Variants in FLI1 observed in about 807,000 individuals in gnomAD.
FLI1 encodes Friend leukemia integration 1 transcription factor.
FLI1 carries 13 observed loss-of-function variants against 53.1 expected under a neutral mutation model. The ratio of observed to expected loss-of-function variants is 0.24; its 90% CI spans 0.16 to 0.39. The LOEUF (loss-of-function observed/expected upper bound fraction) is 0.39, where lower values mean the gene tolerates loss of function less well. Among genes scored for constraint, FLI1 ranks in the 10% least tolerant of loss-of-function variants. The pLI is 1.00. For missense variants in FLI1, 424 were observed against 600.5 expected, an observed-to-expected ratio of 0.71 and a Z score of 3.07; for synonymous variants, 244 against 236.7, an observed-to-expected ratio of 1.03 and a Z score of -0.28.
In FLI1 at chr11:128,723,912, G is replaced by T. The variant is rs190725021; in HGVS notation, c.18+29636G>T. Among the ~76,000 whole-genome samples, 564 of 150,756 alleles carry T rather than the reference G, an allele frequency of 3.7e-3. 4 individuals are homozygous for T. The highest frequency in any genetic ancestry group is 0.013 in the African/African-American group (540 of 41,114). The stretch of plus-strand genomic sequence containing the variant: ...ACAGAGTCAGGAACAGATTTATAGA[G>T]GAGGAGGAACAATGGAGTTGATTTT... On this transcript the variant is annotated intron_variant, in intron 1 of 8. Transcript: ENST00000527786.
intron 5 of FLI1, among the ~76,000 whole-genome samples, chr11:128,789,462 TA>T (rs1942199932): frequency 6.6e-6 from 1 of 152,184 alleles, no homozygotes; most frequent in African/African-American, 2.4e-5. Context: ...TCATGATTGT[TA>T]AAGCAGGGTG....
chr11:128,685,992 C>T (rs115254862), upstream of FLI1: 1,265 of 202,724 alleles, frequency 6.2e-3, 9 homozygotes, highest in African/African-American at 0.028. Flanking sequence ...GAGGACCTGA[C>T]AGTCATTGTA....
chr11:128,701,946 A>G (rs1938352455), intron 1 of FLI1, among the ~76,000 whole-genome samples: 1 of 152,214 alleles, frequency 6.6e-6, no homozygotes, highest in South Asian at 2.1e-4. Context: ...CATTGATGTT[A>G]TGGGAAAGGA....
intron 2 of FLI1, among the ~76,000 whole-genome samples, chr11:128,765,085 G>C (rs913931820): frequency 1.3e-5 from 2 of 152,068 alleles, no homozygotes; most frequent in African/African-American, 4.8e-5. Context: ...AGCGGAACTG[G>C]GAGAACTTCT....
At chr11:128,750,034 C>T (rs1178929531) in intron 1 of FLI1, among the ~76,000 whole-genome samples, 1 of 152,236 alleles carries the variant, frequency 6.6e-6, no homozygotes, top group Admixed American at 6.5e-5. Context: ...GTTCGCATTT[C>T]ATATTCTCTC....
chr11:128,748,112 G>A, intron 1 of FLI1: 1 of 219,950 alleles, frequency 4.5e-6, no homozygotes, highest in Non-Finnish European at 7.7e-6. Context: ...TTCTGTTACA[G>A]GGTACAGTCC....
intron 1 of FLI1, among the ~76,000 whole-genome samples, chr11:128,723,102 GA>G (rs1939322556): frequency 6.6e-6 from 1 of 152,138 alleles, no homozygotes; most frequent in Non-Finnish European, 1.5e-5. Context: ...ATCCCGCTCT[GA>G]AGGCTCCACC....
intron 1 of FLI1, among the ~76,000 whole-genome samples, chr11:128,757,064 C>CTTTCTTTCTTTCTTT (rs1555116929): frequency 2.8e-5 from 4 of 141,792 alleles, no homozygotes; most frequent in African/African-American, 1.1e-4. Context: ...TTCTTTCTTT[C>CTTTCTTTCTTTCTTT]TTTCTTTCTT....
At chr11:128,700,748 C>A (rs1938293433) in intron 1 of FLI1, among the ~76,000 whole-genome samples, 1 of 152,134 alleles carries the variant, frequency 6.6e-6, no homozygotes, top group Admixed American at 6.5e-5. Context: ...GTGGCACTCA[C>A]CTGTAGTCCC....
intron 1 of FLI1, among the ~76,000 whole-genome samples, chr11:128,745,689 C>G (rs573466507): frequency 1.3e-5 from 2 of 152,228 alleles, no homozygotes; most frequent in African/African-American, 4.8e-5. Context: ...ATCTGTGCGT[C>G]GAGTTGAAGC....
Position 128,810,386 on chromosome 11 carries a change from AT to A in FLI1, c.830-70del, listed in dbSNP as rs1942906325. On this transcript the variant is annotated intron_variant, in intron 8 of 8. Coordinates refer to ENST00000527786, the MANE Select transcript of FLI1 (RefSeq NM_002017.5). This position sits in a 1 kb window ranked among gnomAD's most constrained non-coding sequence, Gnocchi z 6.6. ...TTTAAAAGGATGAGAAGCTCCCTGCATTTAGGGAACTGGGTTCTGCCTTCTC... is the reference window on the plus strand; with the variant it reads ...TTTAAAAGGATGAGAAGCTCCCTGCATTAGGGAACTGGGTTCTGCCTTCTC... 3 of 1,433,634 alleles carry A rather than the reference AT, an allele frequency of 2.1e-6. No individual in the cohort carries two copies. Among genetic ancestry groups the A allele is most frequent in the Non-Finnish European group, 2.8e-6 (3 of 1,064,374 alleles). The allele number at this position is 1,433,634 out of a possible 1,614,324, so 88.8% of individuals were successfully genotyped here.
chr11:128,732,002 C>CAA (rs10641944), intron 1 of FLI1, among the ~76,000 whole-genome samples: 3,802 of 144,826 alleles, frequency 0.026, 162 homozygotes, highest in African/African-American at 0.09. Flanking sequence ...GACTCCATCT[C>CAA]AAAAAAAAAA....
chr11:128,716,660 T>C (rs1162165539), intron 1 of FLI1, among the ~76,000 whole-genome samples: 1 of 152,138 alleles, frequency 6.6e-6, no homozygotes, highest in Non-Finnish European at 1.5e-5. Flanking sequence ...CCTGATGGAA[T>C]GGAGTGCTCT....
chr11:128,754,525 T>C (rs961365031), intron 1 of FLI1, among the ~76,000 whole-genome samples: 1 of 152,112 alleles, frequency 6.6e-6, no homozygotes, highest in African/African-American at 2.4e-5. Context: ...GCAGTGAGAA[T>C]AGTTAGAATT....
intron 1 of FLI1, among the ~76,000 whole-genome samples, chr11:128,742,918 A>G (rs946027452): frequency 2.0e-5 from 3 of 152,264 alleles, no homozygotes; most frequent in Non-Finnish European, 2.9e-5. Context: ...AAGAAGCAAG[A>G]GGACCACAAG....
chr11:128,725,696 C>T (rs1939446983), intron 1 of FLI1, among the ~76,000 whole-genome samples: 1 of 150,772 alleles, frequency 6.6e-6, no homozygotes, highest in African/African-American at 2.4e-5. Context: ...GTGTGTGTGT[C>T]TGAGTTGCCT....
At chr11:128,712,622 C>T (rs1045662568) in intron 1 of FLI1, among the ~76,000 whole-genome samples, 15 of 152,120 alleles carry the variant, frequency 9.9e-5, no homozygotes, top group African/African-American at 2.9e-4. Context: ...ACACGGATGG[C>T]AGCAGGCAAA....
chr11:128,798,807 C>A (rs563048159), intron 5 of FLI1, among the ~76,000 whole-genome samples: 1 of 152,228 alleles, frequency 6.6e-6, no homozygotes, highest in Admixed American at 6.5e-5. Context: ...GTAGTGAGGA[C>A]TTGGTCCTGA....
At chr11:128,707,175 T>C (rs1938580676) in intron 1 of FLI1, among the ~76,000 whole-genome samples, 1 of 152,162 alleles carries the variant, frequency 6.6e-6, no homozygotes, top group Admixed American at 6.5e-5. Context: ...CCCAGCACGA[T>C]ACTCTGTCAA....
Sources: gnomAD v4.1 joint callset for allele counts (sites outside exome capture counted in the v4.1 genomes callset) on GRCh38, gnomAD v4.1.1 for gene constraint, Gnocchi (gnomAD v3.1) non-coding constraint, MANE v1.5 for transcripts, NCBI Gene and HGNC (gene_info 2026-07-23, HGNC 2026-07-21) for gene names.